PDZRN3: variants seen among roughly 807,000 people sequenced by gnomAD.
PDZRN3 encodes the protein E3 ubiquitin-protein ligase PDZRN3.
In PDZRN3, 38 loss-of-function variants were observed where a neutral mutation model predicts 85.7. That is an observed-to-expected ratio of 0.44 (90% CI 0.34 to 0.58). The LOEUF (loss-of-function observed/expected upper bound fraction) is 0.58. PDZRN3 is among the 20% of genes least tolerant of loss of function. The probability of loss-of-function intolerance (pLI) is 0.01; values close to 1 mark genes in which losing one functional copy is unlikely to be tolerated. For synonymous variants in PDZRN3, 759 were observed against 638.0 expected (o/e 1.19, Z -2.86); for missense variants, 1,629 against 1,506.4 (o/e 1.08, Z -1.35).
intron 3 of PDZRN3, among the ~76,000 whole-genome samples, chr3:73,478,835 A>G (rs3855577): frequency 0.65 from 99,078 of 152,160 alleles, 33,694 homozygotes; most frequent in East Asian, 0.91. Flanking sequence ...AAGTGGGGTT[A>G]TAACCCACAA....
At chr3:73,420,962 C>T (rs1387657931) in intron 3 of PDZRN3, among the ~76,000 whole-genome samples, 4 of 152,204 alleles carry the variant, frequency 2.6e-5, no homozygotes, top group Non-Finnish European at 5.9e-5. Flanking sequence ...TACATCCTCC[C>T]ATATACTTTA....
intron 3 of PDZRN3, among the ~76,000 whole-genome samples, chr3:73,471,767 T>C (rs953106327): frequency 1.3e-5 from 2 of 152,274 alleles, no homozygotes; most frequent in Non-Finnish European, 2.9e-5. Context: ...AATGGCCTCC[T>C]GGCTTTAGCC....
intron 3 of PDZRN3, among the ~76,000 whole-genome samples, chr3:73,497,103 A>G (rs1338254648): frequency 2.0e-5 from 3 of 152,170 alleles, no homozygotes; most frequent in East Asian, 3.8e-4. Context: ...ACTACAGAGT[A>G]TTTCGGTTTG....
chr3:73,624,920 G>C lies in PDZRN3; in HGVS notation c.-95C>G. 3.2e-6 allele frequency: 3 copies of C among 949,052 alleles called. No individual in the cohort carries two copies. Among genetic ancestry groups the C allele is most frequent in the African/African-American group, 1.7e-5 (1 of 58,600 alleles). The allele number at this position is 949,052 out of a possible 1,614,324, so 58.8% of individuals were successfully genotyped here. The stretch of plus-strand genomic sequence containing the variant: ...GACAGGCCGGCTACGCCGCCCGCGC[G>C]CTCGCTGGCTCTCCCCGGACTGAGC... On this transcript the variant is annotated 5_prime_UTR_variant, in exon 1 of 10. Transcript: ENST00000263666.
Position 73,566,227 on chromosome 3 carries a change from CA to C in PDZRN3, c.918+36126del, listed in dbSNP as rs568486400. On this transcript the variant is annotated intron_variant, in intron 3 of 9. Coordinates refer to ENST00000263666, the MANE Select transcript of PDZRN3 (RefSeq NM_015009.3). ...AACCAATTTCTTTTCCTGGTTTACA[CA>C]AAATGACACTTCCTCTAGTACGAGG... is the stretch of plus-strand genomic sequence containing the variant. Among the ~76,000 whole-genome samples, 10 of 152,268 alleles carry C rather than the reference CA, an allele frequency of 6.6e-5. No homozygotes were observed. In the South Asian group the frequency reaches 1.5e-3, roughly 22 times the overall value.
chr3:73,435,029 A>G (rs6549535), intron 3 of PDZRN3, among the ~76,000 whole-genome samples: 20,519 of 152,138 alleles, frequency 0.13, 4,493 homozygotes, highest in African/African-American at 0.46. Flanking sequence ...ACCATTTTAC[A>G]AAGGTTTCAT....
Position 73,401,021 on chromosome 3 carries a change from T to C in PDZRN3, c.1167-12A>G, listed in dbSNP as rs200260953. The C allele has an allele frequency of 3.1e-5, 49 of 1,583,852 alleles. No individual in the cohort carries two copies. In the East Asian group the frequency reaches 8.9e-4, roughly 29 times the overall value. On this transcript the variant is annotated splice_polypyrimidine_tract_variant and intron_variant, in intron 4 of 9. Transcript: ENST00000263666. ...GGGCTGAGGGATGCCTGAAAAGAGA[T>C]GCAACATCTTTACAGCCCTTCTTCC...
rs75401893 is a variant in PDZRN3, at chr3:73,419,694, T to C, written c.919-15299A>G. 3.0e-3 allele frequency among the ~76,000 whole-genome samples: 456 copies of C among 152,316 alleles called. 3 individuals carry two copies. Among genetic ancestry groups the C allele is most frequent in the East Asian group, 8.7e-3 (45 of 5,174 alleles). On this transcript the variant is annotated intron_variant, in intron 3 of 9. Coordinates refer to ENST00000263666, the MANE Select transcript of PDZRN3 (RefSeq NM_015009.3). ...TCATCGTGCCTTACAGATGAGCTCA[T>C]TGAAAAACGTGTTTTGCAGCGGTAC...
intron 3 of PDZRN3, among the ~76,000 whole-genome samples, chr3:73,437,967 G>A (rs1376580490): frequency 6.6e-6 from 1 of 152,160 alleles, no homozygotes; most frequent in Non-Finnish European, 1.5e-5. Context: ...GAGAACAGCT[G>A]TCCCAGTAAA....
At chr3:73,533,178 T>C (rs1443111717) in intron 3 of PDZRN3, among the ~76,000 whole-genome samples, 1 of 152,238 alleles carries the variant, frequency 6.6e-6, no homozygotes, top group Non-Finnish European at 1.5e-5. Context: ...AATAACCTCA[T>C]CTAGCAATCT....
At chr3:73,508,647 G>A (rs2106701589) in intron 3 of PDZRN3, among the ~76,000 whole-genome samples, 1 of 152,266 alleles carries the variant, frequency 6.6e-6, no homozygotes, top group Admixed American at 6.5e-5. Context: ...TCACTGGAGG[G>A]TATTAGCTCC....
chr3:73,606,467 C>T (rs960534708), intron 2 of PDZRN3, among the ~76,000 whole-genome samples: 8 of 152,230 alleles, frequency 5.3e-5, no homozygotes, highest in East Asian at 1.9e-4. Context: ...CTGGAGAGTA[C>T]GGAGGACCCC....
At chr3:73,402,849 C>T (rs754684784) in intron 4 of PDZRN3, among the ~76,000 whole-genome samples, 5 of 151,910 alleles carry the variant, frequency 3.3e-5, no homozygotes, top group South Asian at 2.1e-4. Context: ...TGATCTGATC[C>T]GAGATGGAGC....
At chr3:73,445,582 TAC>T (rs1169174883) in intron 3 of PDZRN3, among the ~76,000 whole-genome samples, 10 of 152,356 alleles carry the variant, frequency 6.6e-5, no homozygotes, top group Admixed American at 5.2e-4. Flanking sequence ...TATAAAACAG[TAC>T]TTCAGAGAAT....
intron 3 of PDZRN3, among the ~76,000 whole-genome samples, chr3:73,458,846 A>G (rs1186714388): frequency 6.6e-6 from 1 of 151,416 alleles, no homozygotes; most frequent in African/African-American, 2.4e-5. Flanking sequence ...AACAAAATTA[A>G]CCAGGCGTAG....
intron 3 of PDZRN3, among the ~76,000 whole-genome samples, chr3:73,421,669 G>C (rs1702205572): frequency 6.6e-6 from 1 of 152,108 alleles, no homozygotes; most frequent in Admixed American, 6.5e-5. Context: ...TTTTTTTTGA[G>C]ACAGAGTCTT....
intron 3 of PDZRN3, among the ~76,000 whole-genome samples, chr3:73,407,615 T>C (rs941757388): frequency 2.6e-5 from 4 of 152,208 alleles, no homozygotes; most frequent in Admixed American, 2.0e-4. Context: ...GTGAAAATCC[T>C]TCTCTGATTA....
At chr3:73,499,073 C>T (rs909651414) in intron 3 of PDZRN3, among the ~76,000 whole-genome samples, 4 of 152,056 alleles carry the variant, frequency 2.6e-5, no homozygotes, top group African/African-American at 7.3e-5. Context: ...CCGGTGACAC[C>T]GCACGAAAGG....
chr3:73,574,353 T>TA (rs1460377745), intron 3 of PDZRN3, among the ~76,000 whole-genome samples: 1 of 150,928 alleles, frequency 6.6e-6, no homozygotes, highest in Non-Finnish European at 1.5e-5. Flanking sequence ...AGTGAGCTGG[T>TA]ATAGCTGAGA....
Sources: gnomAD v4.1 joint callset for allele counts (sites outside exome capture counted in the v4.1 genomes callset) on GRCh38, gnomAD v4.1.1 for gene constraint, MANE v1.5 for transcripts, NCBI Gene and HGNC (gene_info 2026-07-23, HGNC 2026-07-21) for gene names.